The following TBXAS1 variants were observed in gnomAD, a reference collection of about 807,000 sequenced individuals.
TBXAS1 encodes thromboxane A synthase 1, also known as thromboxane-A synthase.
TBXAS1 carries 48 observed loss-of-function variants against 60.7 expected under a neutral mutation model. The ratio of observed to expected loss-of-function variants is 0.79; its 90% CI spans 0.63 to 1.01. The LOEUF is 1.01. TBXAS1 is among the 50% of genes least tolerant of loss of function. The probability of loss-of-function intolerance (pLI) is 0.00; values close to 1 mark genes in which losing one functional copy is unlikely to be tolerated. For missense variants in TBXAS1, 685 were observed against 686.3 expected (o/e 1.00, Z 0.02); for synonymous variants, 287 against 269.7 (o/e 1.06, Z -0.63).
rs1384042717 is a variant in TBXAS1 at position 139,790,722 on chromosome 7, A to G, written c.-80+3296A>G. 2.6e-5 allele frequency among the ~76,000 whole-genome samples: 4 copies of G among 152,390 alleles called. No homozygotes were observed. The East Asian group carries it at 7.7e-4, about 29-fold the overall frequency. On this transcript the variant is annotated intron_variant, in intron 4 of 16. Transcript: ENST00000336425. ...GATAAGATAGATGGCTTAGGACTCC[A>G]TATTACATTTGTATGAATTAATAGA...
chr7:139,984,720 GGAAAAGAAAGAAAGAAAGAAGAAAAA>G (rs1240057030), intron 9 of TBXAS1, among the ~76,000 whole-genome samples: 2 of 115,448 alleles, frequency 1.7e-5, no homozygotes, highest in Non-Finnish European at 3.6e-5. Context: ...GAGGAAGGAA[GGAAAAGAAAGAAAGAAAGAAGAAAAA>G]GAAAAGAAAG....
At chr7:139,856,509 G>A (rs1259351805) in intron 1 of TBXAS1, among the ~76,000 whole-genome samples, 4 of 152,280 alleles carry the variant, frequency 2.6e-5, no homozygotes, top group African/African-American at 7.2e-5. Flanking sequence ...TGGCCATTCC[G>A]ACAGGCTAGG....
chr7:139,943,872 A>AT (rs990791791), intron 5 of TBXAS1, among the ~76,000 whole-genome samples: 20 of 151,934 alleles, frequency 1.3e-4, no homozygotes, highest in Non-Finnish European at 1.6e-4. Context: ...TAATTTTTTC[A>AT]TTTTAAAAAA....
At chr7:139,908,269 TTCTAAAG>T (rs1453814642) in intron 3 of TBXAS1, among the ~76,000 whole-genome samples, 1 of 152,122 alleles carries the variant, frequency 6.6e-6, no homozygotes, top group Non-Finnish European at 1.5e-5. Context: ...CTTTCCTCTT[TTCTAAAG>T]TAGCATTTAG....
At chr7:139,825,625 T>A (rs545662219), upstream of TBXAS1, among the ~76,000 whole-genome samples, 9 of 152,342 alleles carry the variant, frequency 5.9e-5, no homozygotes, top group African/African-American at 2.2e-4. Flanking sequence ...CACAGTGCCA[T>A]GTCCACAGGT....
chr7:140,000,491 G>A (rs976641889), intron 9 of TBXAS1, among the ~76,000 whole-genome samples: 1 of 152,274 alleles, frequency 6.6e-6, no homozygotes, highest in East Asian at 1.9e-4. Flanking sequence ...CTGGGCCACA[G>A]AGCAAGAAAA....
intron 5 of TBXAS1, among the ~76,000 whole-genome samples, chr7:139,945,955 GA>G: frequency 6.6e-6 from 1 of 152,218 alleles, no homozygotes; most frequent in East Asian, 1.9e-4. Context: ...ATGGACTTTG[GA>G]AGATAAGAAT....
chr7:139,942,677 C>T (rs1179647242), intron 5 of TBXAS1, among the ~76,000 whole-genome samples: 2 of 152,172 alleles, frequency 1.3e-5, no homozygotes, highest in Non-Finnish European at 2.9e-5. Flanking sequence ...ATATGTGTCA[C>T]TCAAGAGTAA....
intron 8 of TBXAS1, among the ~76,000 whole-genome samples, chr7:139,959,643 T>C (rs535152928): frequency 7.4e-4 from 113 of 152,276 alleles, no homozygotes; most frequent in African/African-American, 2.4e-3. Flanking sequence ...CTGTCTGGGC[T>C]GGGATAAGAG....
chr7:139,798,954 G>A (rs1251434978), intron 4 of TBXAS1, among the ~76,000 whole-genome samples: 1 of 152,062 alleles, frequency 6.6e-6, no homozygotes, highest in Non-Finnish European at 1.5e-5. Flanking sequence ...CCATCTGGGA[G>A]CCCTGTCCTC....
At chr7:139,890,340 C>T (rs574316198) in intron 3 of TBXAS1, among the ~76,000 whole-genome samples, 1 of 151,284 alleles carries the variant, frequency 6.6e-6, no homozygotes, top group Non-Finnish European at 1.5e-5. Flanking sequence ...CTCAGCCTCC[C>T]GAGTAGCTGG....
At chr7:139,881,061 G>A (rs1406090735) in intron 3 of TBXAS1, among the ~76,000 whole-genome samples, 1 of 152,158 alleles carries the variant, frequency 6.6e-6, no homozygotes, top group African/African-American at 2.4e-5. Context: ...CTTTTCATAT[G>A]TTTAAAATGC....
chr7:139,976,546 GCTTAAAT>G (rs1811577537), intron 9 of TBXAS1, among the ~76,000 whole-genome samples: 2 of 152,214 alleles, frequency 1.3e-5, no homozygotes, highest in Admixed American at 1.3e-4. Flanking sequence ...CTCTAAAACA[GCTTAAAT>G]TCCTGTATAT....
rs1472160000 is a variant in TBXAS1 at position 140,020,238 on chromosome 7, T to C, written c.*139T>C. On this transcript the variant is annotated 3_prime_UTR_variant, in exon 13 of 13. Coordinates refer to ENST00000448866, the MANE Select transcript of TBXAS1 (RefSeq NM_001061.7). ...ATGCAAGGATAAGAGGTTCTTTACA[T>C]AACATTTCCTAAATGCTTAATAAAC... 3 of 831,508 alleles carry C rather than the reference T, an allele frequency of 3.6e-6. No individual in the cohort carries two copies. The highest frequency in any genetic ancestry group is 2.8e-5 in the South Asian group (2 of 70,334). 51.5% of individuals were successfully genotyped at this position (831,508 alleles called of 1,614,324 possible). A position where few individuals can be genotyped will look rare whatever the true frequency, so the allele number is the denominator to read the frequency against.
intron 1 of TBXAS1, among the ~76,000 whole-genome samples, chr7:139,867,818 AAAAT>A (rs1381431934): frequency 7.2e-6 from 1 of 139,546 alleles, no homozygotes; most frequent in African/African-American, 2.8e-5. Flanking sequence ...CTCTGCCTCG[AAAAT>A]AAATAATAAA....
At chr7:139,850,124 C>T (rs1800109919) in intron 1 of TBXAS1, among the ~76,000 whole-genome samples, 1 of 152,138 alleles carries the variant, frequency 6.6e-6, no homozygotes, top group African/African-American at 2.4e-5. Context: ...GTGAATTTAA[C>T]TTGAGTTCTC....
intron 5 of TBXAS1, among the ~76,000 whole-genome samples, chr7:139,942,641 A>G (rs1292083907): frequency 6.6e-6 from 1 of 152,232 alleles, no homozygotes; most frequent in Admixed American, 6.5e-5. Context: ...GAGACAATGA[A>G]TCTTCATAGA....
chr7:139,781,747 A>G (rs1796997745), intron 2 of TBXAS1, among the ~76,000 whole-genome samples: 1 of 147,650 alleles, frequency 6.8e-6, no homozygotes, highest in African/African-American at 2.5e-5. Flanking sequence ...AGATAGGATA[A>G]TCGCTTGAAC....
Position 139,852,921 on chromosome 7 carries a change from C to T in TBXAS1, c.90-19314C>T, listed in dbSNP as rs1460230505. Among the ~76,000 whole-genome samples the T allele has an allele frequency of 6.7e-6, 1 of 149,818 alleles. No individual in the cohort carries two copies. The highest frequency in any genetic ancestry group is 1.5e-5 in the Non-Finnish European group (1 of 67,574). On this transcript the variant is annotated intron_variant, in intron 1 of 12. Coordinates refer to ENST00000448866, the MANE Select transcript of TBXAS1 (RefSeq NM_001061.7). The surrounding 1 kb of genome is among the most constrained non-coding windows in gnomAD (Gnocchi z 4.4). ...GTACTCAATGCCCCTGTGTACCAAC[C>T]TTGGCTACTCCAATACACACACACA... is the stretch of plus-strand genomic sequence containing the variant.
Sources: gnomAD v4.1 joint callset for allele counts (sites outside exome capture counted in the v4.1 genomes callset) on GRCh38, gnomAD v4.1.1 for gene constraint, Gnocchi (gnomAD v3.1) non-coding constraint, MANE v1.5 for transcripts, NCBI Gene and HGNC (gene_info 2026-07-23, HGNC 2026-07-21) for gene names.